The following KIRREL1 variants were observed in gnomAD, a reference collection of about 807,000 sequenced individuals.
The protein encoded by KIRREL1 is kin of IRRE-like protein 1.
Under a neutral mutation model 83.3 loss-of-function variants are expected in KIRREL1, and 25 were observed. The ratio of observed to expected loss-of-function variants is 0.30; its 90% CI spans 0.22 to 0.42. KIRREL1 has a LOEUF of 0.42. Among genes scored for constraint, KIRREL1 ranks in the 10% least tolerant of loss-of-function variants. KIRREL1 has a pLI of 1.00. For missense variants in KIRREL1, 812 were observed against 1,032.3 expected, an observed-to-expected ratio of 0.79 and a Z score of 2.92; for synonymous variants, 388 against 410.4, an observed-to-expected ratio of 0.95 and a Z score of 0.66.
At chr1:158,039,564 T>C (rs1347858180) in intron 1 of KIRREL1, among the ~76,000 whole-genome samples, 1 of 152,176 alleles carries the variant, frequency 6.6e-6, no homozygotes, top group Non-Finnish European at 1.5e-5. Flanking sequence ...CACATTACCG[T>C]ATGTCTAGAA....
intron 1 of KIRREL1, among the ~76,000 whole-genome samples, chr1:158,019,784 T>C (rs1287647247): frequency 6.6e-6 from 1 of 152,136 alleles, no homozygotes; most frequent in East Asian, 1.9e-4. Context: ...TCTCCATCTT[T>C]TTTTCCCTTG....
intron 1 of KIRREL1, among the ~76,000 whole-genome samples, chr1:158,015,028 T>C (rs1274482385): frequency 6.6e-6 from 1 of 152,188 alleles, no homozygotes; most frequent in Non-Finnish European, 1.5e-5. Context: ...AGCTGATACT[T>C]TGGGGGTTAG....
At chr1:157,995,279 C>A (rs983080712) in intron 1 of KIRREL1, among the ~76,000 whole-genome samples, 3 of 152,178 alleles carry the variant, frequency 2.0e-5, no homozygotes, top group Non-Finnish European at 4.4e-5. Flanking sequence ...CCCATGCCAG[C>A]CCCCCAGCAC....
At chr1:157,994,036 G>C (rs1370001039) in intron 1 of KIRREL1, among the ~76,000 whole-genome samples, 2 of 152,240 alleles carry the variant, frequency 1.3e-5, no homozygotes, top group East Asian at 3.9e-4. Context: ...GCTTTCTCTT[G>C]AGCTTCTGGC....
intron 1 of KIRREL1, among the ~76,000 whole-genome samples, chr1:158,008,551 C>T (rs1262457484): frequency 6.6e-6 from 1 of 152,042 alleles, no homozygotes; most frequent in African/African-American, 2.4e-5. Flanking sequence ...AGGGCAGGGC[C>T]ACCATCACAA....
intron 1 of KIRREL1, among the ~76,000 whole-genome samples, chr1:158,044,479 A>G (rs1030316220): frequency 5.9e-5 from 9 of 152,162 alleles, no homozygotes; most frequent in Non-Finnish European, 1.3e-4. Context: ...TTAAAGTATT[A>G]GGCATTTTTT....
At chr1:158,074,025 C>T (rs144424847) in intron 1 of KIRREL1, among the ~76,000 whole-genome samples, 2 of 152,270 alleles carry the variant, frequency 1.3e-5, no homozygotes, top group African/African-American at 2.4e-5. Flanking sequence ...GAGTTTGCAG[C>T]ATATAGCTGC....
intron 1 of KIRREL1, among the ~76,000 whole-genome samples, chr1:158,012,223 C>A (rs1659708963): frequency 6.6e-6 from 1 of 152,082 alleles, no homozygotes. Context: ...AAGACATGTG[C>A]TTTTTTGGGG....
chr1:158,057,876 C>G (rs906256215), intron 1 of KIRREL1, among the ~76,000 whole-genome samples: 1 of 152,194 alleles, frequency 6.6e-6, no homozygotes, highest in African/African-American at 2.4e-5. Context: ...ATCTGGAAAA[C>G]GAGGCCATTG....
At chr1:158,065,534 C>T (rs1570969220) in intron 1 of KIRREL1, among the ~76,000 whole-genome samples, 1 of 152,136 alleles carries the variant, frequency 6.6e-6, no homozygotes. Flanking sequence ...ATTGACCTCT[C>T]TTCTAGGAGG....
chr1:158,057,113 G>A (rs1661086459), intron 1 of KIRREL1, among the ~76,000 whole-genome samples: 1 of 152,162 alleles, frequency 6.6e-6, no homozygotes, highest in African/African-American at 2.4e-5. Context: ...AGATGTTACT[G>A]CCTTTGGGGG....
intron 1 of KIRREL1, among the ~76,000 whole-genome samples, chr1:158,002,724 C>A: frequency 6.6e-6 from 1 of 152,106 alleles, no homozygotes; most frequent in East Asian, 1.9e-4. Context: ...GCCTAACCGT[C>A]CAGTGAGGGG....
chr1:158,065,730 G>C (rs1427298731), intron 1 of KIRREL1, among the ~76,000 whole-genome samples: 4 of 152,040 alleles, frequency 2.6e-5, no homozygotes, highest in African/African-American at 7.2e-5. Flanking sequence ...ATTTCCCAAA[G>C]ACGTCATTCC....
At chr1:158,065,263 G>T (rs1347266350) in intron 1 of KIRREL1, among the ~76,000 whole-genome samples, 1 of 152,190 alleles carries the variant, frequency 6.6e-6, no homozygotes, top group Non-Finnish European at 1.5e-5. Flanking sequence ...CTTCCAGCCT[G>T]TTGCGGGGAC....
At chr1:158,003,073 G>GT (rs960935708) in intron 1 of KIRREL1, among the ~76,000 whole-genome samples, 19 of 152,158 alleles carry the variant, frequency 1.2e-4, no homozygotes, top group African/African-American at 1.9e-4. Context: ...GCTTAGCTGA[G>GT]TTTTTTTTAT....
chr1:158,002,193 G>A (rs1254212085), intron 1 of KIRREL1, among the ~76,000 whole-genome samples: 1 of 152,194 alleles, frequency 6.6e-6, no homozygotes, highest in Non-Finnish European at 1.5e-5. Context: ...ATAAGATAAA[G>A]ATGCCTGGAG....
At chr1:158,029,357 GTGTGTGTGTGCA>G (rs1348283642) in intron 1 of KIRREL1, among the ~76,000 whole-genome samples, 1 of 149,616 alleles carries the variant, frequency 6.7e-6, no homozygotes, top group African/African-American at 2.5e-5. Context: ...GTGTGTGTGT[GTGTGTGTGTGCA>G]CGTGCGCGCG....
intron 1 of KIRREL1, among the ~76,000 whole-genome samples, chr1:158,040,064 C>T (rs991288352): frequency 2.0e-5 from 3 of 152,208 alleles, no homozygotes; most frequent in South Asian, 2.1e-4. Context: ...GCCTCCCTTG[C>T]GTATTTTTCC....
Position 158,011,366 on chromosome 1 carries a change from G to A in KIRREL1, c.52+17638G>A, listed in dbSNP as rs566591931. Among the ~76,000 whole-genome samples, 298 of 152,266 alleles carry A rather than the reference G, an allele frequency of 2.0e-3. 1 individual carries two copies. Among genetic ancestry groups the A allele is most frequent in the South Asian group, 5.0e-3 (24 of 4,820 alleles). On this transcript the variant is annotated intron_variant, in intron 1 of 14. Transcript: ENST00000359209. ...TCCCCTGCGTGAGGGTTGGACCCTC[G>A]GAGAAGCCCCAAGGCCTCTTCCTCA... is the stretch of plus-strand genomic sequence containing the variant.
Sources: gnomAD v4.1 joint callset for allele counts (sites outside exome capture counted in the v4.1 genomes callset) on GRCh38, gnomAD v4.1.1 for gene constraint, MANE v1.5 for transcripts, NCBI Gene and HGNC (gene_info 2026-07-23, HGNC 2026-07-21) for gene names.